The following TP63 variants were observed in gnomAD, a reference collection of about 807,000 sequenced individuals.
TP63 encodes tumor protein p63.
TP63 carries 17 observed loss-of-function variants against 82.8 expected under a neutral mutation model. That is an observed-to-expected ratio of 0.21 (90% CI 0.14 to 0.31). TP63 has a LOEUF of 0.31. TP63 is among the 10% of genes least tolerant of loss of function. TP63 has a pLI of 1.00. For synonymous variants in TP63, 330 were observed against 321.7 expected (o/e 1.03, Z -0.28); for missense variants, 648 against 895.3 (o/e 0.72, Z 3.52).
At chr3:189,606,989 G>T in the TP63 span, among the ~76,000 whole-genome samples, 10 of 152,098 alleles carry the variant, frequency 6.6e-5, no homozygotes, top group African/African-American at 2.4e-4. Context: ...TCCCTGACTT[G>T]CTTGCTTTGA....
At chr3:189,602,527 C>A in the TP63 span, among the ~76,000 whole-genome samples, 3,905 of 152,212 alleles carry the variant, frequency 0.026, 165 homozygotes, top group African/African-American at 0.084. Context: ...TTGTGAAATG[C>A]ATTTTACATC....
At chr3:189,639,953 G>T (rs569075425) in intron 1 of TP63, among the ~76,000 whole-genome samples, 2 of 151,992 alleles carry the variant, frequency 1.3e-5, no homozygotes, top group Non-Finnish European at 2.9e-5. Context: ...TTTTATCAAT[G>T]TGTTCAATTT....
At chr3:189,786,490 C>T (rs1724614275) in intron 3 of TP63, among the ~76,000 whole-genome samples, 2 of 150,598 alleles carry the variant, frequency 1.3e-5, no homozygotes, top group Non-Finnish European at 3.0e-5. Flanking sequence ...CACGCATGCA[C>T]AAATACATAT....
At chr3:189,887,131 C>A (rs1024358571) in intron 11 of TP63, among the ~76,000 whole-genome samples, 2 of 151,392 alleles carry the variant, frequency 1.3e-5, no homozygotes, top group African/African-American at 4.9e-5. Context: ...ATCACTTGAA[C>A]CCGGGAGGCA....
chr3:189,698,651 C>T (rs540622643), intron 1 of TP63, among the ~76,000 whole-genome samples: 2 of 152,212 alleles, frequency 1.3e-5, no homozygotes, highest in South Asian at 4.1e-4. Context: ...TATGCTTATA[C>T]ATGTATGTTC....
the TP63 span, among the ~76,000 whole-genome samples, chr3:189,600,559 A>G: frequency 6.6e-6 from 1 of 152,154 alleles, no homozygotes; most frequent in African/African-American, 2.4e-5. Context: ...TCAGAGGTGA[A>G]AGTCACATCA....
At chr3:189,831,013 G>A (rs374573802) in intron 4 of TP63, among the ~76,000 whole-genome samples, 8 of 152,332 alleles carry the variant, frequency 5.3e-5, no homozygotes, top group African/African-American at 1.9e-4. Flanking sequence ...ACCAGCTTTT[G>A]CTGGATGAGA....
intron 10 of TP63, chr3:189,880,298 G>T: frequency 7.4e-7 from 1 of 1,355,154 alleles, no homozygotes; most frequent in African/African-American, 1.5e-5. Flanking sequence ...AAGACACTTT[G>T]GCTCAGAGAC....
intron 4 of TP63, among the ~76,000 whole-genome samples, chr3:189,859,619 A>C (rs762667279): frequency 6.6e-6 from 1 of 152,208 alleles, no homozygotes; most frequent in South Asian, 2.1e-4. Context: ...AAAATGGCAC[A>C]ACCACTTTGT....
intron 1 of TP63, among the ~76,000 whole-genome samples, chr3:189,667,304 A>C (rs796679777): frequency 1.8e-4 from 28 of 151,442 alleles, no homozygotes; most frequent in African/African-American, 6.8e-4. Context: ...CCTCCCGAGT[A>C]GCTGGGATTA....
At chr3:189,879,240 G>A (rs898074972) in intron 10 of TP63, among the ~76,000 whole-genome samples, 1 of 152,138 alleles carries the variant, frequency 6.6e-6, no homozygotes, top group Non-Finnish European at 1.5e-5. Context: ...CCTTTGAAAG[G>A]CATAGCCAAA....
chr3:189,885,788 G>A (rs946365295), intron 10 of TP63, among the ~76,000 whole-genome samples: 1 of 152,110 alleles, frequency 6.6e-6, no homozygotes, highest in African/African-American at 2.4e-5. Flanking sequence ...GTGTAGAAAT[G>A]CTTTTGACAT....
intron 1 of TP63, among the ~76,000 whole-genome samples, chr3:189,678,965 A>T (rs919831339): frequency 9.9e-5 from 15 of 151,946 alleles, no homozygotes; most frequent in Non-Finnish European, 2.1e-4. Flanking sequence ...CCCTGATTTT[A>T]AAATGAGCAA....
chr3:189,837,940 T>G (rs757074361), intron 4 of TP63, among the ~76,000 whole-genome samples: 2 of 152,216 alleles, frequency 1.3e-5, no homozygotes, highest in African/African-American at 2.4e-5. Context: ...TCCTTACTTA[T>G]GCTGAAAAAT....
At chr3:189,838,144 C>T (rs574446110) in intron 4 of TP63, among the ~76,000 whole-genome samples, 51 of 151,898 alleles carry the variant, frequency 3.4e-4, no homozygotes, top group Admixed American at 6.6e-5. Flanking sequence ...TCCTGAGCCC[C>T]CCTCCCTCCT....
the TP63 span, among the ~76,000 whole-genome samples, chr3:189,596,859 A>C: frequency 6.6e-6 from 1 of 151,700 alleles, no homozygotes; most frequent in Non-Finnish European, 1.5e-5. Context: ...GAGCTGTAAC[A>C]CTCACCGTGA....
At chr3:189,682,148 C>A (rs1356384227) in intron 1 of TP63, among the ~76,000 whole-genome samples, 1 of 152,066 alleles carries the variant, frequency 6.6e-6, no homozygotes, top group Non-Finnish European at 1.5e-5. Flanking sequence ...TAATATATGG[C>A]AGAGTGATGA....
chr3:189,650,409 A>G (rs1315928371), intron 1 of TP63, among the ~76,000 whole-genome samples: 2 of 146,894 alleles, frequency 1.4e-5, no homozygotes, highest in Non-Finnish European at 3.0e-5. Flanking sequence ...CCCAAATCTC[A>G]TCTTGAATTG....
At chr3:189,857,679 A>C (rs1168993592) in intron 4 of TP63, among the ~76,000 whole-genome samples, 2 of 152,228 alleles carry the variant, frequency 1.3e-5, no homozygotes, top group Admixed American at 1.3e-4. Flanking sequence ...AAATCGCCAA[A>C]ATAACCCAAT....
Sources: allele counts gnomAD v4.1 joint callset (sites outside exome capture counted in the v4.1 genomes callset), GRCh38; gene constraint gnomAD v4.1.1; transcripts MANE v1.5; gene names NCBI Gene and HGNC (gene_info 2026-07-23, HGNC 2026-07-21).